The following NUDT5 variants were observed in gnomAD, a reference collection of about 807,000 sequenced individuals.
NUDT5 encodes the protein nudix hydrolase 5.
In NUDT5, 21 loss-of-function variants were observed where a neutral mutation model predicts 34.1. The observed-to-expected ratio is 0.62, with a 90% CI of 0.44 to 0.89. NUDT5 has a LOEUF of 0.89. NUDT5 is among the 40% of genes least tolerant of loss of function. The pLI is 0.00. For synonymous variants in NUDT5, 85 were observed against 97.6 expected (o/e 0.87, Z 0.76); for missense variants, 249 against 274.8 (o/e 0.91, Z 0.66).
At position 12,166,707 on chromosome 10, in the gene NUDT5, T is replaced by A. The variant is rs1834705857; in HGVS notation, c.*995A>T. 1 of 508,868 alleles carries A rather than the reference T, an allele frequency of 2.0e-6. No individual in the cohort carries two copies. Among genetic ancestry groups the A allele is most frequent in the East Asian group, 5.8e-5 (1 of 17,230 alleles). The allele number at this position is 508,868 out of a possible 1,614,324, so 31.5% of individuals were successfully genotyped here. A position where few individuals can be genotyped will look rare whatever the true frequency, so the allele number is the denominator to read the frequency against. Reference sequence around the variant, plus strand: ...CCTGAGAATTCCGTGGGGGCCAGACTGGAAAGTCCTGGAAAATCATGGAGC... The same window carrying A: ...CCTGAGAATTCCGTGGGGGCCAGACAGGAAAGTCCTGGAAAATCATGGAGC... On this transcript the variant is annotated 3_prime_UTR_variant, in exon 10 of 10. Coordinates refer to ENST00000491614, the MANE Select transcript of NUDT5 (RefSeq NM_014142.4).
At chr10:12,189,199 G>A (rs1010827636) in intron 1 of NUDT5, among the ~76,000 whole-genome samples, 1 of 152,042 alleles carries the variant, frequency 6.6e-6, no homozygotes, top group African/African-American at 2.4e-5. Flanking sequence ...TCTGCCTCAC[G>A]GATTCAAGCG....
rs1835198729 is a variant in NUDT5, at chr10:12,190,168, C to T, written c.-41-3836G>A. On this transcript the variant is annotated intron_variant, in intron 1 of 9. Coordinates refer to ENST00000491614, the MANE Select transcript of NUDT5 (RefSeq NM_014142.4). ...CCTGCCAAAGTGCTGGAATTACAGG[C>T]GTGAGTCACCGCGCCAGCGAGTGTT... 5.9e-5 allele frequency among the ~76,000 whole-genome samples: 9 copies of T among 152,282 alleles called. No homozygotes were observed. The South Asian group carries it at 1.9e-3, about 32-fold the overall frequency.
chr10:12,182,420 C>A lies in NUDT5; in HGVS notation c.131+2469G>T, dbSNP rs1835057330. Among the ~76,000 whole-genome samples, 1 of 152,118 alleles carries A rather than the reference C, an allele frequency of 6.6e-6. No homozygotes were observed. Among genetic ancestry groups the A allele is most frequent in the Non-Finnish European group, 1.5e-5 (1 of 68,014 alleles). ...CCTATAAATTATACATCGTGGCATA[C>A]AGGAAAGTACAAAGACTCATTCTTC... On this transcript the variant is annotated intron_variant, in intron 3 of 9. Transcript: ENST00000491614. The surrounding 1 kb of genome is among the most constrained non-coding windows in gnomAD (Gnocchi z 4.3).
intron 3 of NUDT5, chr10:12,184,577 T>C: frequency 1.4e-6 from 2 of 1,471,902 alleles, no homozygotes; most frequent in Non-Finnish European, 1.8e-6. Context: ...GGAAGCAACA[T>C]GTACTGTTAA....
At chr10:12,185,730 G>T (rs2131713596) in intron 2 of NUDT5, among the ~76,000 whole-genome samples, 1 of 152,340 alleles carries the variant, frequency 6.6e-6, no homozygotes, top group East Asian at 1.9e-4. Flanking sequence ...AGAGATCCAA[G>T]ATGAAGGATT....
At position 12,167,525 on chromosome 10, in the gene NUDT5, A is replaced by T. The variant is rs759370227; in HGVS notation, c.*177T>A. ...TTTAGCTGGAGTTATAACAAATTTAAAGGAAGGTCACAACCTACCTGTAAT... is the reference window on the plus strand; with the variant it reads ...TTTAGCTGGAGTTATAACAAATTTATAGGAAGGTCACAACCTACCTGTAAT... On this transcript the variant is annotated 3_prime_UTR_variant, in exon 10 of 10. Coordinates refer to ENST00000491614, the MANE Select transcript of NUDT5 (RefSeq NM_014142.4). 7.0e-6 allele frequency: 4 copies of T among 568,824 alleles called. No individual in the cohort carries two copies. The highest frequency in any genetic ancestry group is 1.2e-5 in the Non-Finnish European group (4 of 328,550). 35.2% of individuals were successfully genotyped at this position (568,824 alleles called of 1,614,324 possible). A position where few individuals can be genotyped will look rare whatever the true frequency, so the allele number is the denominator to read the frequency against.
chr10:12,193,444 C>A (rs1307324580), intron 1 of NUDT5, among the ~76,000 whole-genome samples: 2 of 152,082 alleles, frequency 1.3e-5, no homozygotes, highest in African/African-American at 4.8e-5. Flanking sequence ...AAATCTCCTC[C>A]CCCATAATCA....
chr10:12,184,366 C>A, intron 3 of NUDT5: 5 of 640,750 alleles, frequency 7.8e-6, no homozygotes, highest in East Asian at 5.9e-5. Context: ...TGGCCCTTAA[C>A]ACTTTGTTAA....
intron 3 of NUDT5, among the ~76,000 whole-genome samples, chr10:12,183,733 C>G (rs191264249): frequency 2.4e-4 from 37 of 152,290 alleles, no homozygotes; most frequent in African/African-American, 8.7e-4. Context: ...AGGTTAACCA[C>G]ACAGCTTTTT....
chr10:12,166,515 A>T lies in NUDT5; in HGVS notation c.*1187T>A, dbSNP rs936217209. On this transcript the variant is annotated 3_prime_UTR_variant, in exon 10 of 10. Coordinates refer to ENST00000491614, the MANE Select transcript of NUDT5 (RefSeq NM_014142.4). The stretch of plus-strand genomic sequence containing the variant: ...AAGATCTTACAGTTTCACTCATAAA[A>T]ATATCCTGGGCTCAGACAGTGAGCC... 3 of 286,850 alleles carry T rather than the reference A, an allele frequency of 1.0e-5. No homozygotes were observed. In the Admixed American group the frequency reaches 1.4e-4, roughly 13 times the overall value. The allele number at this position is 286,850 out of a possible 1,614,324, so 17.8% of individuals were successfully genotyped here.
In NUDT5 at chr10:12,173,952, C is replaced by T. The variant is rs1266934020; in HGVS notation, c.290-139G>A. The T allele has an allele frequency of 3.1e-5, 20 of 649,766 alleles. No homozygotes were observed. The East Asian group carries it at 3.3e-4, about 11-fold the overall frequency. The allele number at this position is 649,766 out of a possible 1,614,324, so 40.3% of individuals were successfully genotyped here. ...TGCGATCTCGGCCCACTGCAACCTC[C>T]GCCCGTCCAGGTTTAAGCAATTCTC... On this transcript the variant is annotated intron_variant, in intron 5 of 9. Transcript: ENST00000491614. The surrounding 1 kb of genome is among the most constrained non-coding windows in gnomAD (Gnocchi z 4.7).
Position 12,173,653 on chromosome 10 carries a change from C to G in NUDT5, c.385+65G>C, listed in dbSNP as rs1834897985. On this transcript the variant is annotated intron_variant, in intron 6 of 9. Coordinates refer to ENST00000491614, the MANE Select transcript of NUDT5 (RefSeq NM_014142.4). This position sits in a 1 kb window ranked among gnomAD's most constrained non-coding sequence, Gnocchi z 4.7. Reference sequence around the variant, plus strand: ...GTGAATTCTGAGCGTAAAGAACACCCAAATAATCAATCCCTTCCCAGACGG... The same window carrying G: ...GTGAATTCTGAGCGTAAAGAACACCGAAATAATCAATCCCTTCCCAGACGG... 5.7e-6 allele frequency: 7 copies of G among 1,221,176 alleles called. No individual in the cohort carries two copies. In the East Asian group the frequency reaches 1.6e-4, roughly 28 times the overall value. 75.6% of individuals were successfully genotyped at this position (1,221,176 alleles called of 1,614,324 possible). A position where few individuals can be genotyped will look rare whatever the true frequency, so the allele number is the denominator to read the frequency against.
rs1412852039 is a variant in NUDT5, at chr10:12,182,870, G to A, written c.131+2019C>T. Among the ~76,000 whole-genome samples the A allele has an allele frequency of 6.6e-6, 1 of 152,186 alleles. No homozygotes were observed. The highest frequency in any genetic ancestry group is 1.5e-5 in the Non-Finnish European group (1 of 68,052). ...TCCTGTCTCAGCCTCCGGGGTAGCT[G>A]GGATTACAGGCGCATGCCACCACGC... On this transcript the variant is annotated intron_variant, in intron 3 of 9. Transcript: ENST00000491614. The surrounding 1 kb of genome is among the most constrained non-coding windows in gnomAD (Gnocchi z 4.3).
In NUDT5 at chr10:12,184,404, A is replaced by G. The variant is rs1835091952; in HGVS notation, c.131+485T>C. 15 of 1,144,794 alleles carry G rather than the reference A, an allele frequency of 1.3e-5. No individual in the cohort carries two copies. The East Asian group carries it at 4.0e-4, about 30-fold the overall frequency. The allele number at this position is 1,144,794 out of a possible 1,614,324, so 70.9% of individuals were successfully genotyped here. A position where few individuals can be genotyped will look rare whatever the true frequency, so the allele number is the denominator to read the frequency against. ...CTGGGATTACTCGGTCAAAGGGTAC[A>G]GTATCTTTAGGGCTACTGACACATA... On this transcript the variant is annotated intron_variant, in intron 3 of 9. Coordinates refer to ENST00000491614, the MANE Select transcript of NUDT5 (RefSeq NM_014142.4).
Position 12,186,219 on chromosome 10 carries a change from C to T in NUDT5, c.63+10G>A, listed in dbSNP as rs917298106. The T allele has an allele frequency of 6.2e-7, 1 of 1,604,770 alleles. No individual in the cohort carries two copies. The highest frequency in any genetic ancestry group is 1.7e-5 in the Admixed American group (1 of 59,880). Reference sequence around the variant, plus strand: ...GGGGGAGGGAAGGGAAAGTGAAAAACAAGTTATACCTCCTCTGAAATGATA... The same window carrying T: ...GGGGGAGGGAAGGGAAAGTGAAAAATAAGTTATACCTCCTCTGAAATGATA... On this transcript the variant is annotated intron_variant, in intron 2 of 9. Coordinates refer to ENST00000491614, the MANE Select transcript of NUDT5 (RefSeq NM_014142.4).
At chr10:12,186,383 C>T (rs1835129120) in intron 1 of NUDT5, 51 bp from the exon 2 acceptor site, 1 of 991,738 alleles carries the variant, frequency 1.0e-6, no homozygotes, top group Non-Finnish European at 1.6e-6. Flanking sequence ...CTGAATTAAA[C>T]ATTCGTCCAC....
At chr10:12,183,054 C>T (rs1279265841) in intron 3 of NUDT5, among the ~76,000 whole-genome samples, 1 of 152,168 alleles carries the variant, frequency 6.6e-6, no homozygotes. Flanking sequence ...CATGTTTAGA[C>T]TCATTAGAGT....
In NUDT5 at chr10:12,171,279, T is replaced by C. The variant is rs895420832; in HGVS notation, c.488-371A>G. ...CAGTATCCATCTCCAGAACTTTTCA[T>C]GACACCCAACAGAAACTCGGGATCC... On this transcript the variant is annotated intron_variant, in intron 7 of 9. Transcript: ENST00000491614. The surrounding 1 kb of genome is among the most constrained non-coding windows in gnomAD (Gnocchi z 4.2). Among the ~76,000 whole-genome samples the C allele has an allele frequency of 6.6e-6, 1 of 152,226 alleles. No homozygotes were observed. The highest frequency in any genetic ancestry group is 1.5e-5 in the Non-Finnish European group (1 of 68,038).
At position 12,182,554 on chromosome 10, in the gene NUDT5, T is replaced by C. The variant is rs1835059124; in HGVS notation, c.131+2335A>G. On this transcript the variant is annotated intron_variant, in intron 3 of 9. Coordinates refer to ENST00000491614, the MANE Select transcript of NUDT5 (RefSeq NM_014142.4). The surrounding 1 kb of genome is among the most constrained non-coding windows in gnomAD (Gnocchi z 4.3). ...AATGGACATGACCATGCTATAAATA[T>C]GGTAGTTTGGTGGATTTTAGAGCCT... Among the ~76,000 whole-genome samples the C allele has an allele frequency of 2.0e-5, 3 of 152,044 alleles. No individual in the cohort carries two copies. Among genetic ancestry groups the C allele is most frequent in the African/African-American group, 2.4e-5 (1 of 41,400 alleles).
Sources: allele counts gnomAD v4.1 joint callset (sites outside exome capture counted in the v4.1 genomes callset), GRCh38; gene constraint gnomAD v4.1.1; non-coding constraint Gnocchi (gnomAD v3.1); transcripts MANE v1.5; gene names NCBI Gene and HGNC (gene_info 2026-07-23, HGNC 2026-07-21).